WDPCP: variants seen among roughly 807,000 people sequenced by gnomAD.
WDPCP encodes WD repeat-containing and planar cell polarity effector protein fritz homolog.
Under a neutral mutation model 93.1 loss-of-function variants are expected in WDPCP, and 71 were observed. The observed-to-expected ratio is 0.76, with a 90% CI of 0.63 to 0.93. WDPCP has a LOEUF of 0.93. Ranked by LOEUF, WDPCP falls within the 40% of genes least tolerant of loss-of-function variation. The pLI is 0.00. For synonymous variants in WDPCP, 315 were observed against 315.0 expected, an observed-to-expected ratio of 1.00 and a Z score of 0.00; for missense variants, 844 against 887.4, an observed-to-expected ratio of 0.95 and a Z score of 0.62.
intron 12 of WDPCP, among the ~76,000 whole-genome samples, chr2:63,347,539 G>A (rs964969807): frequency 1.3e-5 from 2 of 152,092 alleles, no homozygotes; most frequent in South Asian, 2.1e-4. Flanking sequence ...ACTGTCATTG[G>A]AAAAGAATTA....
At chr2:63,165,905 A>G (rs1293149998) in intron 15 of WDPCP, among the ~76,000 whole-genome samples, 2 of 150,910 alleles carry the variant, frequency 1.3e-5, no homozygotes, top group Non-Finnish European at 3.0e-5. Flanking sequence ...TTTGGATTTG[A>G]TATCTTACTA....
At position 63,285,994 on chromosome 2, in the gene WDPCP, TTC is replaced by T. The variant is rs59879682; in HGVS notation, c.1813-26587_1813-26586del. ...AATAACACAAGGTCATGAAACAAGT[TTC>T]TCTCTCTCTCTCTCTCATTTTGTTT... On this transcript the variant is annotated intron_variant, in intron 13 of 17. Transcript: ENST00000272321. Among the ~76,000 whole-genome samples, 109 of 148,436 alleles carry T rather than the reference TTC, an allele frequency of 7.3e-4. 1 individual carries two copies. In the East Asian group the frequency reaches 0.016, roughly 22 times the overall value.
At chr2:63,313,430 T>TTC in intron 12 of WDPCP, 119 bp from the exon 13 acceptor site, 3 of 1,046,116 alleles carry the variant, frequency 2.9e-6, no homozygotes, top group African/African-American at 1.6e-5. Flanking sequence ...AAAAATATTT[T>TTC]CAAACAGAAG....
At chr2:63,269,262 A>C (rs1682425074) in intron 13 of WDPCP, among the ~76,000 whole-genome samples, 1 of 152,202 alleles carries the variant, frequency 6.6e-6, no homozygotes, top group Admixed American at 6.5e-5. Context: ...AATACCACTT[A>C]GTTTCTGTCA....
intron 9 of WDPCP, among the ~76,000 whole-genome samples, chr2:63,408,542 G>T (rs1694775496): frequency 1.3e-5 from 2 of 152,148 alleles, no homozygotes; most frequent in Non-Finnish European, 1.5e-5. Flanking sequence ...GAAATCTCTA[G>T]CTGAACTGTG....
At chr2:63,785,197 T>C (rs563339665) in intron 2 of WDPCP, among the ~76,000 whole-genome samples, 2 of 152,334 alleles carry the variant, frequency 1.3e-5, no homozygotes, top group South Asian at 4.1e-4. Context: ...AGTGAAAATA[T>C]GTTCCATAGG....
chr2:63,620,180 A>G (rs892641402), intron 3 of WDPCP, among the ~76,000 whole-genome samples: 6 of 151,540 alleles, frequency 4.0e-5, no homozygotes, highest in African/African-American at 1.2e-4. Context: ...AGAAGCGTTC[A>G]CCCCCCTGGA....
At position 63,578,498 on chromosome 2, in the gene WDPCP, T is replaced by C. The variant is rs180676945; in HGVS notation, c.75+9699A>G. 8.8e-4 allele frequency among the ~76,000 whole-genome samples: 134 copies of C among 152,256 alleles called. 1 individual carries two copies. Among genetic ancestry groups the C allele is most frequent in the Admixed American group, 8.4e-3 (129 of 15,286 alleles). ...ACAAGATATTCCATGAAAAGAAATA[T>C]GTGTTCTAAACATCATGATTCCTCT... On this transcript the variant is annotated intron_variant, in intron 1 of 17. Coordinates refer to ENST00000272321, the MANE Select transcript of WDPCP (RefSeq NM_015910.7).
intron 3 of WDPCP, chr2:63,622,866 C>T: frequency 1.3e-6 from 2 of 1,563,822 alleles, no homozygotes; most frequent in African/African-American, 1.4e-5. Flanking sequence ...ACCCGCGCAG[C>T]ATCAGGGGTG....
intron 12 of WDPCP, among the ~76,000 whole-genome samples, chr2:63,341,895 A>T (rs1304638240): frequency 6.6e-6 from 1 of 152,100 alleles, no homozygotes; most frequent in Non-Finnish European, 1.5e-5. Context: ...ATATTTTTTC[A>T]TCCTTTCACT....
chr2:63,262,529 C>T (rs1681721738), intron 13 of WDPCP, among the ~76,000 whole-genome samples: 1 of 104,078 alleles, frequency 9.6e-6, no homozygotes, highest in Non-Finnish European at 1.8e-5. Context: ...TGATATACAA[C>T]CATATAAGCC....
chr2:63,467,878 G>T (rs928479712), intron 6 of WDPCP, among the ~76,000 whole-genome samples: 3 of 151,368 alleles, frequency 2.0e-5, no homozygotes, highest in African/African-American at 7.3e-5. Flanking sequence ...CAGGTACAAT[G>T]TTGTGTGTAT....
intron 2 of WDPCP, among the ~76,000 whole-genome samples, chr2:63,758,567 T>C (rs1322416976): frequency 1.3e-5 from 2 of 152,056 alleles, no homozygotes; most frequent in Non-Finnish European, 2.9e-5. Context: ...GCCTCCCAAG[T>C]AGCTGGGACT....
rs569783160 is a variant in WDPCP at position 63,643,214 on chromosome 2, A to G, written n.488+7445T>C. ...ATGAATGATCTTTTCTTCATGCTATATTATCTTTAATTAAGTACAAAAAGC... is the reference window on the plus strand; with the variant it reads ...ATGAATGATCTTTTCTTCATGCTATGTTATCTTTAATTAAGTACAAAAAGC... On this transcript the variant is annotated intron_variant and non_coding_transcript_variant, in intron 3 of 4. Coordinates refer to the WDPCP transcript ENST00000467687. The G allele has an allele frequency of 1.8e-5, 4 of 219,968 alleles. No individual in the cohort carries two copies. In the East Asian group the frequency reaches 4.0e-4, roughly 22 times the overall value. The allele number at this position is 219,968 out of a possible 1,614,324, so 13.6% of individuals were successfully genotyped here. A position where few individuals can be genotyped will look rare whatever the true frequency, so the allele number is the denominator to read the frequency against.
In WDPCP at chr2:63,605,830, A is replaced by C. The variant is rs10202649; in HGVS notation, n.488+44829T>G. The C allele has an allele frequency of 0.022, 19,272 of 871,292 alleles. 1,727 individuals are homozygous for C. The African/African-American group carries it at 0.23, about 10-fold the overall frequency. The allele number at this position is 871,292 out of a possible 1,614,324, so 54.0% of individuals were successfully genotyped here. On this transcript the variant is annotated intron_variant and non_coding_transcript_variant, in intron 3 of 4. Coordinates refer to the WDPCP transcript ENST00000467687. Reference sequence around the variant, plus strand: ...GCTGATGATAGTTCCTTACACAGTAATGATGTTATGAACATAGTAAGAAAG... The same window carrying C: ...GCTGATGATAGTTCCTTACACAGTACTGATGTTATGAACATAGTAAGAAAG...
chr2:63,199,801 G>A (rs1559196206), intron 14 of WDPCP, among the ~76,000 whole-genome samples: 1 of 152,116 alleles, frequency 6.6e-6, no homozygotes, highest in Non-Finnish European at 1.5e-5. Flanking sequence ...GTGAGAAGTG[G>A]GCCATCATCC....
chr2:63,756,893 A>T (rs1669976771), intron 2 of WDPCP, among the ~76,000 whole-genome samples: 1 of 152,128 alleles, frequency 6.6e-6, no homozygotes, highest in Admixed American at 6.5e-5. Flanking sequence ...ATATCCAAGA[A>T]ATTTTCTAGT....
chr2:63,197,873 T>C (rs1237699712), intron 14 of WDPCP, among the ~76,000 whole-genome samples: 1 of 152,202 alleles, frequency 6.6e-6, no homozygotes, highest in Non-Finnish European at 1.5e-5. Context: ...ACCTGGATAA[T>C]ACAGAATAAT....
intron 9 of WDPCP, among the ~76,000 whole-genome samples, chr2:63,413,612 A>G (rs1695180312): frequency 6.6e-6 from 1 of 152,168 alleles, no homozygotes; most frequent in Non-Finnish European, 1.5e-5. Context: ...CCTGGCTAAC[A>G]TGGTGAAATC....
Sources: allele counts gnomAD v4.1 joint callset (sites outside exome capture counted in the v4.1 genomes callset), GRCh38; gene constraint gnomAD v4.1.1; transcripts MANE v1.5; gene names NCBI Gene and HGNC (gene_info 2026-07-23, HGNC 2026-07-21).